MTSS1: variants seen among roughly 807,000 people sequenced by gnomAD.
The protein encoded by MTSS1 is protein MTSS 1.
MTSS1 carries 18 observed loss-of-function variants against 79.0 expected under a neutral mutation model. That is an observed-to-expected ratio of 0.23 (90% CI 0.16 to 0.34). MTSS1 has a LOEUF of 0.34. Ranked by LOEUF, MTSS1 falls within the 10% of genes least tolerant of loss-of-function variation. The probability of loss-of-function intolerance (pLI) is 1.00; values close to 1 mark genes in which losing one functional copy is unlikely to be tolerated. For missense variants in MTSS1, 815 were observed against 986.2 expected, an observed-to-expected ratio of 0.83 and a Z score of 2.33; for synonymous variants, 341 against 368.6, an observed-to-expected ratio of 0.93 and a Z score of 0.86.
chr8:124,598,113 C>A (rs536210757), intron 3 of MTSS1, among the ~76,000 whole-genome samples: 1 of 152,140 alleles, frequency 6.6e-6, no homozygotes, highest in Admixed American at 6.5e-5. Context: ...ACAGCAAGAC[C>A]CCATCTCTAC....
chr8:124,705,370 C>T (rs1830248597), intron 1 of MTSS1, among the ~76,000 whole-genome samples: 1 of 152,116 alleles, frequency 6.6e-6, no homozygotes, highest in Admixed American at 6.6e-5. Flanking sequence ...ACTCAGGAGG[C>T]TGAGGCATGA....
intron 3 of MTSS1, among the ~76,000 whole-genome samples, chr8:124,626,375 A>G (rs1191613433): frequency 6.6e-6 from 1 of 152,164 alleles, no homozygotes; most frequent in Non-Finnish European, 1.5e-5. Context: ...GGTGGCACGC[A>G]TCTGTAATCT....
At chr8:124,596,996 G>A (rs562494257) in intron 3 of MTSS1, among the ~76,000 whole-genome samples, 1 of 152,146 alleles carries the variant, frequency 6.6e-6, no homozygotes, top group South Asian at 2.1e-4. Flanking sequence ...GTGTCCAAAT[G>A]GTCACATTCC....
At chr8:124,667,914 T>TA (rs112527597) in intron 3 of MTSS1, among the ~76,000 whole-genome samples, 38 of 150,518 alleles carry the variant, frequency 2.5e-4, no homozygotes, top group South Asian at 4.2e-4. Context: ...CCTTTCTCTA[T>TA]AAAAAAAAAT....
chr8:124,560,945 T>A (rs1348866603), intron 10 of MTSS1, among the ~76,000 whole-genome samples: 1 of 152,176 alleles, frequency 6.6e-6, no homozygotes, highest in Admixed American at 6.5e-5. Context: ...CTCCTGCGCC[T>A]CCTAGATGTA....
At chr8:124,564,627 C>T (rs764754564) in intron 9 of MTSS1, 5 of 151,412 alleles carry the variant, frequency 3.3e-5, no homozygotes, top group African/African-American at 4.9e-5. Context: ...AAAACAGCCA[C>T]GCAACTTTGT....
intron 3 of MTSS1, among the ~76,000 whole-genome samples, chr8:124,668,223 C>A (rs543123340): frequency 6.6e-6 from 1 of 152,162 alleles, no homozygotes; most frequent in Non-Finnish European, 1.5e-5. Flanking sequence ...GGTGGTGATT[C>A]GCTTTTTGTT....
rs1232613458 is a variant in MTSS1, at chr8:124,589,721, AGCGGGGGGG to A, written c.294-19_294-11del. ...ACAATCAATTAAAGCGCTTTTACCA[AGCGGGGGGG>A]AAAAAGGGAGAAATTAAATAGATAC... is the stretch of plus-strand genomic sequence containing the variant. On this transcript the variant is annotated splice_polypyrimidine_tract_variant and intron_variant, in intron 4 of 13. Transcript: ENST00000518547. 2.5e-6 allele frequency: 4 copies of A among 1,580,860 alleles called. No homozygotes were observed. Among genetic ancestry groups the A allele is most frequent in the Admixed American group, 3.4e-5 (2 of 58,130 alleles).
At position 124,727,634 on chromosome 8, in the gene MTSS1, T is replaced by G. The variant is rs1833922869; in HGVS notation, c.72+250A>C. 2 of 646,552 alleles carry G rather than the reference T, an allele frequency of 3.1e-6. No individual in the cohort carries two copies. Among genetic ancestry groups the G allele is most frequent in the East Asian group, 3.1e-5 (1 of 32,126 alleles). The allele number at this position is 646,552 out of a possible 1,614,324, so 40.1% of individuals were successfully genotyped here. A position where few individuals can be genotyped will look rare whatever the true frequency, so the allele number is the denominator to read the frequency against. On this transcript the variant is annotated intron_variant, in intron 1 of 13. Coordinates refer to ENST00000518547, the MANE Select transcript of MTSS1 (RefSeq NM_014751.6). The surrounding 1 kb of genome is among the most constrained non-coding windows in gnomAD (Gnocchi z 4.7). ...GAGGGAAAGAAATGGTGCCGCCCCC[T>G]GGGACAATGAGCGGGGGAGATGGCG...
chr8:124,567,239 T>TC, intron 7 of MTSS1, 61 bp from the exon 8 acceptor site: 1 of 1,355,212 alleles, frequency 7.4e-7, no homozygotes. Context: ...ATCGCTCTAG[T>TC]CCAATTGTTT....
chr8:124,569,036 G>A lies in MTSS1; in HGVS notation c.461-500C>T, dbSNP rs189717058. Among the ~76,000 whole-genome samples, 10 of 152,310 alleles carry A rather than the reference G, an allele frequency of 6.6e-5. No individual in the cohort carries two copies. The South Asian group carries it at 8.3e-4, about 13-fold the overall frequency. On this transcript the variant is annotated intron_variant, in intron 6 of 13. Transcript: ENST00000518547. Reference sequence around the variant, plus strand: ...CTAAAGACAAAGGTGGCAAGCATCCGCTCTCCTGGCTCTGGGGGCCCATGG... The same window carrying A: ...CTAAAGACAAAGGTGGCAAGCATCCACTCTCCTGGCTCTGGGGGCCCATGG...
chr8:124,644,698 C>T (rs747840108), intron 3 of MTSS1, among the ~76,000 whole-genome samples: 1 of 152,160 alleles, frequency 6.6e-6, no homozygotes, highest in Non-Finnish European at 1.5e-5. Context: ...AAATGTCAAA[C>T]TGGAAAACAC....
At chr8:124,650,396 T>G (rs1407954597) in intron 3 of MTSS1, among the ~76,000 whole-genome samples, 1 of 152,146 alleles carries the variant, frequency 6.6e-6, no homozygotes, top group African/African-American at 2.4e-5. Context: ...GACACCCACA[T>G]ATGCTAGGTG....
intron 3 of MTSS1, among the ~76,000 whole-genome samples, chr8:124,654,495 G>T (rs183804318): frequency 2.0e-4 from 30 of 152,194 alleles, no homozygotes; most frequent in African/African-American, 7.0e-4. Flanking sequence ...CAGGAGAAAT[G>T]ATCAATCAAA....
intron 3 of MTSS1, among the ~76,000 whole-genome samples, chr8:124,622,094 G>A (rs4585739): frequency 0.26 from 39,225 of 150,116 alleles, 6,933 homozygotes; most frequent in African/African-American, 0.5. Context: ...GAGAGAGAGA[G>A]AGAATATGAA....
At chr8:124,599,349 G>C (rs924629698) in intron 3 of MTSS1, among the ~76,000 whole-genome samples, 5 of 151,618 alleles carry the variant, frequency 3.3e-5, no homozygotes, top group African/African-American at 1.2e-4. Flanking sequence ...CCAGCACGGT[G>C]GTGGGTGCCT....
At chr8:124,627,628 G>A (rs978296861) in intron 3 of MTSS1, among the ~76,000 whole-genome samples, 3 of 152,224 alleles carry the variant, frequency 2.0e-5, no homozygotes, top group South Asian at 2.1e-4. Context: ...GAGCAGACAC[G>A]ATGGGATCAT....
intron 3 of MTSS1, among the ~76,000 whole-genome samples, chr8:124,629,632 G>A (rs956542688): frequency 3.3e-5 from 5 of 151,708 alleles, no homozygotes; most frequent in African/African-American, 1.2e-4. Context: ...CCTGAAACAC[G>A]AGTTCCCACA....
intron 3 of MTSS1, among the ~76,000 whole-genome samples, chr8:124,673,939 C>T (rs1031010802): frequency 2.0e-5 from 3 of 152,094 alleles, no homozygotes; most frequent in African/African-American, 7.2e-5. Flanking sequence ...TTGCTCCAGA[C>T]ACAGGAAGGG....
Sources: gnomAD v4.1 joint callset for allele counts (sites outside exome capture counted in the v4.1 genomes callset) on GRCh38, gnomAD v4.1.1 for gene constraint, Gnocchi (gnomAD v3.1) non-coding constraint, MANE v1.5 for transcripts, NCBI Gene and HGNC (gene_info 2026-07-23, HGNC 2026-07-21) for gene names.